The following EPHB1 variants were observed in gnomAD, a reference collection of about 807,000 sequenced individuals.
EPHB1 encodes ephrin type-B receptor 1.
In EPHB1, 30 loss-of-function variants were observed where a neutral mutation model predicts 94.4. That is an observed-to-expected ratio of 0.32 (90% confidence interval 0.24 to 0.43). The LOEUF is 0.43. Among genes scored for constraint, EPHB1 ranks in the 20% least tolerant of loss-of-function variants. The pLI is 1.00. For missense variants in EPHB1, 1,055 were observed against 1,308.3 expected (o/e 0.81, Z 2.99); for synonymous variants, 522 against 489.1 (o/e 1.07, Z -0.89).
At chr3:135,142,438 A>G (rs932974559) in intron 5 of EPHB1, among the ~76,000 whole-genome samples, 3 of 152,318 alleles carry the variant, frequency 2.0e-5, no homozygotes, top group African/African-American at 7.2e-5. Context: ...ATATGCTCTG[A>G]AAAGATAAAG....
intron 3 of EPHB1, among the ~76,000 whole-genome samples, chr3:134,981,345 C>T (rs36110): frequency 0.63 from 95,946 of 152,070 alleles, 32,090 homozygotes; most frequent in African/African-American, 0.83. Context: ...CCTCATCTTG[C>T]GTGTTCATCA....
intron 3 of EPHB1, among the ~76,000 whole-genome samples, chr3:135,054,024 C>CATATATATAT (rs144029421): frequency 3.3e-4 from 46 of 137,420 alleles, no homozygotes; most frequent in African/African-American, 1.2e-3. Flanking sequence ...TGTGTGTCTG[C>CATATATATAT]ATATATATAT....
At chr3:134,855,454 C>T (rs1387570424) in intron 1 of EPHB1, among the ~76,000 whole-genome samples, 3 of 152,132 alleles carry the variant, frequency 2.0e-5, no homozygotes, top group Non-Finnish European at 4.4e-5. Context: ...CTGGAAGAAA[C>T]TCAACTGCTG....
At chr3:135,178,333 A>T (rs113535122) in intron 9 of EPHB1, among the ~76,000 whole-genome samples, 6,332 of 151,622 alleles carry the variant, frequency 0.042, 185 homozygotes, top group South Asian at 0.081. Context: ...GTGCATGCCT[A>T]TAATCCCAGC....
At chr3:135,013,889 A>G (rs1191681377) in intron 3 of EPHB1, among the ~76,000 whole-genome samples, 2 of 152,194 alleles carry the variant, frequency 1.3e-5, no homozygotes, top group African/African-American at 4.8e-5. Flanking sequence ...TCTGATGGAA[A>G]CAGTGATTCT....
intron 3 of EPHB1, among the ~76,000 whole-genome samples, chr3:135,080,653 C>T (rs956212461): frequency 6.6e-6 from 1 of 151,996 alleles, no homozygotes; most frequent in Non-Finnish European, 1.5e-5. Flanking sequence ...GATTTGAGTG[C>T]TGTTGAGAAT....
chr3:135,176,802 CAAA>C (rs1941991669), intron 9 of EPHB1, among the ~76,000 whole-genome samples: 1 of 152,164 alleles, frequency 6.6e-6, no homozygotes, highest in African/African-American at 2.4e-5. Context: ...TCTTTACTTG[CAAA>C]CCATTCATTA....
At chr3:135,053,762 A>G (rs1393174492) in intron 3 of EPHB1, among the ~76,000 whole-genome samples, 1 of 152,128 alleles carries the variant, frequency 6.6e-6, no homozygotes, top group Non-Finnish European at 1.5e-5. Flanking sequence ...TGAGGTAGCA[A>G]GACCACTTGA....
intron 3 of EPHB1, among the ~76,000 whole-genome samples, chr3:134,995,152 C>A (rs1934948438): frequency 6.6e-6 from 1 of 152,162 alleles, no homozygotes; most frequent in Non-Finnish European, 1.5e-5. Flanking sequence ...CCTTCTTCTC[C>A]CTGATCACTG....
intron 5 of EPHB1, among the ~76,000 whole-genome samples, chr3:135,142,419 T>C (rs1940858746): frequency 6.6e-6 from 1 of 152,200 alleles, no homozygotes; most frequent in Non-Finnish European, 1.5e-5. Flanking sequence ...TGGTTGAGTT[T>C]TGACAGTCAT....
intron 12 of EPHB1, among the ~76,000 whole-genome samples, chr3:135,210,065 G>A (rs1942997528): frequency 6.6e-6 from 1 of 152,160 alleles, no homozygotes; most frequent in Admixed American, 6.5e-5. Flanking sequence ...GAGAGAAATT[G>A]GTTGAAGGAG....
intron 1 of EPHB1, among the ~76,000 whole-genome samples, chr3:134,900,259 T>G (rs1031363828): frequency 2.0e-5 from 3 of 152,210 alleles, no homozygotes; most frequent in Non-Finnish European, 4.4e-5. Flanking sequence ...GAAGCAGGAA[T>G]CTTACCTTTT....
chr3:135,104,474 G>C (rs1225693759), intron 3 of EPHB1, among the ~76,000 whole-genome samples: 1 of 152,148 alleles, frequency 6.6e-6, no homozygotes, highest in Non-Finnish European at 1.5e-5. Context: ...AATGTGCTGA[G>C]ATGAGTCAGG....
chr3:134,972,967 T>G (rs1184404941), intron 3 of EPHB1, among the ~76,000 whole-genome samples: 1 of 152,220 alleles, frequency 6.6e-6, no homozygotes, highest in Non-Finnish European at 1.5e-5. Context: ...ACATCCCAGG[T>G]TGGGCCTCAG....
chr3:134,981,045 C>G (rs1422613586), intron 3 of EPHB1, among the ~76,000 whole-genome samples: 4 of 152,152 alleles, frequency 2.6e-5, no homozygotes, highest in Non-Finnish European at 4.4e-5. Flanking sequence ...GGTATCAGAC[C>G]TTACAGGATC....
intron 3 of EPHB1, among the ~76,000 whole-genome samples, chr3:135,066,054 T>C (rs1346370191): frequency 1.3e-5 from 2 of 152,250 alleles, no homozygotes; most frequent in Non-Finnish European, 2.9e-5. Context: ...GTAGGGTTTC[T>C]GCTGAGAAAT....
intron 1 of EPHB1, among the ~76,000 whole-genome samples, chr3:134,827,336 A>G (rs62272418): frequency 0.12 from 17,681 of 151,826 alleles, 1,148 homozygotes; most frequent in South Asian, 0.31. Context: ...CAGGAAACAA[A>G]ATCAACAGAT....
At chr3:135,061,457 A>C (rs1157958468) in intron 3 of EPHB1, among the ~76,000 whole-genome samples, 1 of 148,552 alleles carries the variant, frequency 6.7e-6, no homozygotes, top group East Asian at 2.0e-4. Context: ...GAGTGAGAAC[A>C]TACAATGTTT....
At chr3:134,909,844 C>G (rs1408507389) in intron 1 of EPHB1, among the ~76,000 whole-genome samples, 1 of 152,168 alleles carries the variant, frequency 6.6e-6, no homozygotes, top group Non-Finnish European at 1.5e-5. Context: ...AGGTGACTTC[C>G]AGATTGCCCC....
Sources: gnomAD v4.1 joint callset for allele counts (sites outside exome capture counted in the v4.1 genomes callset) on GRCh38, gnomAD v4.1.1 for gene constraint, MANE v1.5 for transcripts, NCBI Gene and HGNC (gene_info 2026-07-23, HGNC 2026-07-21) for gene names.